KIF1B: variants seen among roughly 807,000 people sequenced by gnomAD.
KIF1B encodes the protein kinesin-like protein KIF1B.
KIF1B carries 76 observed loss-of-function variants against 241.9 expected under a neutral mutation model. The observed-to-expected ratio is 0.31, with a 90% CI of 0.26 to 0.38. The LOEUF is 0.38. Among genes scored for constraint, KIF1B ranks in the 10% least tolerant of loss-of-function variants. The probability of loss-of-function intolerance (pLI) is 1.00; values close to 1 mark genes in which losing one functional copy is unlikely to be tolerated. For synonymous variants in KIF1B, 750 were observed against 796.7 expected (o/e 0.94, Z 0.99); for missense variants, 1,622 against 2,271.4 (o/e 0.71, Z 5.81).
chr1:10,299,086 GAAAC>G (rs899713789), intron 22 of KIF1B: 4 of 135,712 alleles, frequency 2.9e-5, no homozygotes, highest in African/African-American at 1.1e-4. Context: ...AAAAAAAAAA[GAAAC>G]AAAAACCACA....
chr1:10,340,056 C>G (rs918700244), intron 32 of KIF1B, among the ~76,000 whole-genome samples, 197 bp downstream of exon 32: 1 of 152,002 alleles, frequency 6.6e-6, no homozygotes, highest in Non-Finnish European at 1.5e-5. Flanking sequence ...TACAGTGGGC[C>G]TAGTGAATGT....
chr1:10,268,853 T>C (rs778419653), intron 7 of KIF1B, among the ~76,000 whole-genome samples: 19 of 152,210 alleles, frequency 1.2e-4, no homozygotes, highest in Non-Finnish European at 2.5e-4. Context: ...TATATTACTT[T>C]GGGCAAACTA....
At chr1:10,364,117 C>T (rs1364974221) in intron 41 of KIF1B, among the ~76,000 whole-genome samples, 1 of 151,548 alleles carries the variant, frequency 6.6e-6, no homozygotes, top group Non-Finnish European at 1.5e-5. Context: ...TGTCATCTGT[C>T]AGCCAGTGAG....
chr1:10,268,649 T>C (rs1360234916), intron 7 of KIF1B, among the ~76,000 whole-genome samples: 10 of 150,564 alleles, frequency 6.6e-5, no homozygotes, highest in African/African-American at 9.8e-5. Flanking sequence ...TTTTGAGCTA[T>C]GATAATGTTA....
At chr1:10,239,387 TTTTTC>T (rs1177108619) in intron 2 of KIF1B, among the ~76,000 whole-genome samples, 1 of 152,100 alleles carries the variant, frequency 6.6e-6, no homozygotes, top group Non-Finnish European at 1.5e-5. Flanking sequence ...TATTTTCTGA[TTTTTC>T]TATTCTATTG....
At chr1:10,324,528 A>G (rs1351913163) in intron 25 of KIF1B, among the ~76,000 whole-genome samples, 2 of 152,062 alleles carry the variant, frequency 1.3e-5, no homozygotes, top group Admixed American at 1.3e-4. Context: ...CCGGTAGAGG[A>G]TAGGTGGCCA....
chr1:10,347,723 T>A lies in KIF1B; in HGVS notation c.3798-38T>A, dbSNP rs766203490. The A allele has an allele frequency of 1.9e-6, 3 of 1,551,074 alleles. No homozygotes were observed. The East Asian group carries it at 6.8e-5, about 35-fold the overall frequency. ...CAGGGGCTAAGCCTTGCAGATGAAG[T>A]AGCACTTAGTTTTTTCTTTTGCGTT... On this transcript the variant is annotated intron_variant, in intron 35 of 48. Coordinates refer to ENST00000676179, the MANE Select transcript of KIF1B (RefSeq NM_001365951.3).
At chr1:10,258,815 C>A in intron 4 of KIF1B, 143 bp downstream of exon 4, 1 of 794,404 alleles carries the variant, frequency 1.3e-6, no homozygotes, top group Non-Finnish European at 2.1e-6. Flanking sequence ...ATTATTTTCC[C>A]TCAGAGGAGC....
chr1:10,358,607 C>T (rs1443074718), intron 38 of KIF1B, among the ~76,000 whole-genome samples: 5 of 150,304 alleles, frequency 3.3e-5, no homozygotes, highest in South Asian at 4.2e-4. Context: ...CACTTGAACC[C>T]GGCATGAGGA....
Position 10,295,104 on chromosome 1 carries a change from C to T in KIF1B, c.1609C>T (p.Leu537Phe). The change falls in exon 18 of 49, where the codon CTC (leucine) becomes TTC (phenylalanine). Residue 537 changes from leucine to phenylalanine, a missense_variant. Leu to Phe is a conservative substitution (Grantham distance 22). This residue lies in a region of KIF1B where 57 missense variants were observed against 149.0 expected (regional missense o/e 0.38). Coordinates refer to ENST00000676179, the MANE Select transcript of KIF1B (RefSeq NM_001365951.3). ...TTTTCAGACCCCACATCTTGTTAAC[C>T]TCAATGAAGACCCACTAATGTCTGA... ...SPKKTPHLVN[L>F]NEDPLMSECL... is the part of the protein sequence containing the mutation. 6.2e-7 allele frequency: 1 copy of T among 1,607,466 alleles called. No homozygotes were observed. The highest frequency in any genetic ancestry group is 8.5e-7 in the Non-Finnish European group (1 of 1,173,980).
Position 10,365,016 on chromosome 1 carries a change from A to AG in KIF1B, c.4367-84_4367-83insG, listed in dbSNP as rs1432657461. 2 of 1,287,586 alleles carry AG rather than the reference A, an allele frequency of 1.6e-6. No individual in the cohort carries two copies. Among genetic ancestry groups the AG allele is most frequent in the East Asian group, 5.0e-5 (2 of 39,824 alleles). 79.8% of individuals were successfully genotyped at this position (1,287,586 alleles called of 1,614,324 possible). ...GCGAGACTCCATCTCAAAAAAAAAAAAAAAAGAATTATTAATTCGTTTTGA... is the reference window on the plus strand; with the variant it reads ...GCGAGACTCCATCTCAAAAAAAAAAAGAAAAAGAATTATTAATTCGTTTTGA... On this transcript the variant is annotated intron_variant, in intron 41 of 48. Coordinates refer to ENST00000676179, the MANE Select transcript of KIF1B (RefSeq NM_001365951.3). The surrounding 1 kb of genome is among the most constrained non-coding windows in gnomAD (Gnocchi z 4.0).
chr1:10,303,105 T>G lies in KIF1B; in HGVS notation c.2115+5859T>G, dbSNP rs2102269615. The G allele has an allele frequency of 1.3e-6, 2 of 1,567,896 alleles. No individual in the cohort carries two copies. The highest frequency in any genetic ancestry group is 1.7e-6 in the Non-Finnish European group (2 of 1,159,706). The stretch of plus-strand genomic sequence containing the variant: ...GCTTTTTCTTCGATTTAATTTTCCT[T>G]TTTTACATTTTAATTTTGGTTATTT... On this transcript the variant is annotated intron_variant, in intron 22 of 48. Transcript: ENST00000676179. The surrounding 1 kb of genome is among the most constrained non-coding windows in gnomAD (Gnocchi z 5.2).
At chr1:10,343,860 AT>A (rs1455873623) in intron 34 of KIF1B, among the ~76,000 whole-genome samples, 1 of 152,178 alleles carries the variant, frequency 6.6e-6, no homozygotes, top group Non-Finnish European at 1.5e-5. Context: ...CTATTTGCAG[AT>A]TTTGATAATC....
intron 38 of KIF1B, chr1:10,355,523 T>C (rs1652944992): frequency 6.6e-6 from 1 of 152,652 alleles, no homozygotes; most frequent in Non-Finnish European, 1.5e-5. Flanking sequence ...TAGGATAGAG[T>C]AGACCCTGTT....
intron 2 of KIF1B, among the ~76,000 whole-genome samples, chr1:10,253,052 C>T (rs1473740851): frequency 6.6e-6 from 1 of 152,106 alleles, no homozygotes; most frequent in Non-Finnish European, 1.5e-5. Flanking sequence ...ACAATGCCTA[C>T]AGTGTGATTT....
chr1:10,363,395 A>G, intron 41 of KIF1B, 51 bp downstream of exon 41: 3 of 1,472,332 alleles, frequency 2.0e-6, no homozygotes, highest in East Asian at 2.3e-5. Flanking sequence ...GTATGTTTCA[A>G]GTATCCTGTA....
intron 12 of KIF1B, among the ~76,000 whole-genome samples, chr1:10,277,506 T>A (rs1649181087): frequency 6.6e-6 from 1 of 152,120 alleles, no homozygotes; most frequent in Non-Finnish European, 1.5e-5. Context: ...GGCTAATTTT[T>A]AAAAATTTCT....
chr1:10,266,215 T>C (rs191377120), intron 5 of KIF1B, among the ~76,000 whole-genome samples: 2 of 152,358 alleles, frequency 1.3e-5, no homozygotes, highest in East Asian at 3.9e-4. Context: ...TTTGTTACTT[T>C]ACCATGAGAA....
At position 10,260,932 on chromosome 1, in the gene KIF1B, A is replaced by G. The variant is rs187275493; in HGVS notation, c.364-973A>G. ...CTGTACAAAAATATTTTCTTTCTTC[A>G]TATCTTTATTCTATAAGCTTTTTTG... On this transcript the variant is annotated intron_variant, in intron 4 of 48. Transcript: ENST00000676179. 5.4e-4 allele frequency among the ~76,000 whole-genome samples: 80 copies of G among 149,328 alleles called. No homozygotes were observed. In the East Asian group the frequency reaches 9.7e-3, roughly 18 times the overall value.
Sources: allele counts gnomAD v4.1 joint callset (sites outside exome capture counted in the v4.1 genomes callset), GRCh38; gene constraint gnomAD v4.1.1; regional missense constraint gnomAD v4.1.1; non-coding constraint Gnocchi (gnomAD v3.1); transcripts MANE v1.5; gene names NCBI Gene and HGNC (gene_info 2026-07-23, HGNC 2026-07-21).